Variants in FER observed in about 807,000 individuals in gnomAD.
FER encodes the protein tyrosine-protein kinase Fer.
A neutral mutation model predicts 111.0 loss-of-function variants in FER; 63 were observed. That is an observed-to-expected ratio of 0.57 (90% CI 0.46 to 0.70). FER has a LOEUF of 0.70. Among genes scored for constraint, FER ranks in the 30% least tolerant of loss-of-function variants. The pLI is 0.00. For missense variants in FER, 914 were observed against 954.0 expected, an observed-to-expected ratio of 0.96 and a Z score of 0.55; for synonymous variants, 327 against 313.9, an observed-to-expected ratio of 1.04 and a Z score of -0.44.
intron 10 of FER, among the ~76,000 whole-genome samples, chr5:108,912,137 G>C (rs991156272): frequency 2.6e-5 from 4 of 152,086 alleles, no homozygotes; most frequent in African/African-American, 9.7e-5. Context: ...CAGCCACTTG[G>C]AACTGTGAGT....
At chr5:109,008,929 C>G (rs923004900) in intron 13 of FER, among the ~76,000 whole-genome samples, 1 of 152,016 alleles carries the variant, frequency 6.6e-6, no homozygotes, top group African/African-American at 2.4e-5. Flanking sequence ...AAGATCGTGC[C>G]GTTGCACTCT....
intron 17 of FER, among the ~76,000 whole-genome samples, chr5:109,172,547 C>G (rs376187121): frequency 4.1e-5 from 6 of 148,138 alleles, no homozygotes; most frequent in African/African-American, 9.9e-5. Context: ...TGACGAGTTA[C>G]TGGGTGCAGC....
At chr5:109,009,644 T>C (rs534382842) in intron 13 of FER, among the ~76,000 whole-genome samples, 2 of 152,230 alleles carry the variant, frequency 1.3e-5, no homozygotes, top group Non-Finnish European at 2.9e-5. Context: ...CGTTTGTCCT[T>C]GTTGCAGTTA....
At chr5:109,117,790 C>T (rs1175079309) in intron 17 of FER, among the ~76,000 whole-genome samples, 1 of 151,378 alleles carries the variant, frequency 6.6e-6, no homozygotes, top group Admixed American at 6.6e-5. Flanking sequence ...GGAGTTCACT[C>T]ATGATTTGGC....
intron 17 of FER, among the ~76,000 whole-genome samples, chr5:109,121,912 C>T (rs1423100468): frequency 3.3e-5 from 5 of 151,826 alleles, no homozygotes; most frequent in Non-Finnish European, 7.4e-5. Flanking sequence ...GCTAATGATC[C>T]TTTGTATTTT....
chr5:108,935,573 C>T (rs1755349118), intron 10 of FER, among the ~76,000 whole-genome samples: 1 of 152,028 alleles, frequency 6.6e-6, no homozygotes, highest in African/African-American at 2.4e-5. Flanking sequence ...CCATCCAACC[C>T]ACCTACAGTT....
intron 5 of FER, among the ~76,000 whole-genome samples, chr5:108,848,849 A>G (rs1762277912): frequency 6.6e-6 from 1 of 151,938 alleles, no homozygotes; most frequent in South Asian, 2.1e-4. Flanking sequence ...ATTTCTTGTA[A>G]TGTAGGTCTG....
chr5:109,015,614 A>G (rs1250536345), intron 13 of FER, among the ~76,000 whole-genome samples: 10 of 152,042 alleles, frequency 6.6e-5, no homozygotes, highest in Non-Finnish European at 7.4e-5. Context: ...TGACATAAGC[A>G]TGAACAGAAC....
At chr5:108,760,631 A>G (rs545274405) in intron 1 of FER, among the ~76,000 whole-genome samples, 112 of 152,256 alleles carry the variant, frequency 7.4e-4, no homozygotes, top group Middle Eastern at 6.8e-3. Context: ...AGCCTCATGA[A>G]TCAATCTCTG....
At chr5:109,028,908 T>C (rs980826439) in intron 13 of FER, among the ~76,000 whole-genome samples, 1 of 137,674 alleles carries the variant, frequency 7.3e-6, no homozygotes, top group Admixed American at 6.9e-5. Flanking sequence ...CCTGTTAACA[T>C]GACCAGCCAT....
rs369865790 is a variant in FER, at chr5:109,121,801, A to G, written c.2048+21282A>G. Among the ~76,000 whole-genome samples, 16 of 151,942 alleles carry G rather than the reference A, an allele frequency of 1.1e-4. No individual in the cohort carries two copies. The East Asian group carries it at 2.5e-3, about 24-fold the overall frequency. Reference sequence around the variant, plus strand: ...TGTTATTGGTCTGTTCAGAATTTGGATTTCTTCATGGTTCAATCTTGATAG... The same window carrying G: ...TGTTATTGGTCTGTTCAGAATTTGGGTTTCTTCATGGTTCAATCTTGATAG... On this transcript the variant is annotated intron_variant, in intron 17 of 19. Transcript: ENST00000281092.
In FER at chr5:108,996,050, C is replaced by T. The variant is rs949676667; in HGVS notation, c.1656+36703C>T. ...AGCTTTTCTTCGTATGTTTGTTGGC[C>T]GCATAAATGTCTTTTTTTGAGAAAT... is the stretch of plus-strand genomic sequence containing the variant. On this transcript the variant is annotated intron_variant, in intron 13 of 19. Transcript: ENST00000281092. 7.9e-5 allele frequency among the ~76,000 whole-genome samples: 12 copies of T among 152,182 alleles called. 1 individual carries two copies. The highest frequency in any genetic ancestry group is 3.4e-3 in the Middle Eastern group (1 of 294).
chr5:108,865,566 A>G (rs1763957655), intron 5 of FER, among the ~76,000 whole-genome samples: 1 of 152,216 alleles, frequency 6.6e-6, no homozygotes, highest in Non-Finnish European at 1.5e-5. Context: ...ATGGCAACAA[A>G]AGCCAAAATT....
chr5:108,953,158 T>C (rs772353895), intron 11 of FER, among the ~76,000 whole-genome samples: 3 of 151,990 alleles, frequency 2.0e-5, no homozygotes, highest in Non-Finnish European at 4.4e-5. Flanking sequence ...TAATTGTAAA[T>C]TATTAGTATC....
chr5:108,866,319 G>A (rs1329606281), intron 5 of FER, among the ~76,000 whole-genome samples: 1 of 152,120 alleles, frequency 6.6e-6, no homozygotes, highest in Non-Finnish European at 1.5e-5. Flanking sequence ...ATCATTCTCA[G>A]CAGACTGTCA....
chr5:109,022,455 T>A (rs1053454089), intron 13 of FER, among the ~76,000 whole-genome samples: 1 of 152,138 alleles, frequency 6.6e-6, no homozygotes, highest in East Asian at 1.9e-4. Context: ...CATGTTCTAG[T>A]GCAGAAGTCT....
At chr5:108,891,923 T>C (rs1748137213) in intron 9 of FER, among the ~76,000 whole-genome samples, 1 of 152,166 alleles carries the variant, frequency 6.6e-6, no homozygotes, top group Non-Finnish European at 1.5e-5. Flanking sequence ...TGTTTGGTTT[T>C]TTTGTCCTTG....
chr5:108,959,826 G>T (rs777541118), intron 13 of FER, among the ~76,000 whole-genome samples: 2 of 152,056 alleles, frequency 1.3e-5, no homozygotes, highest in Non-Finnish European at 2.9e-5. Flanking sequence ...TATCTATGTG[G>T]AGCAAGGTGG....
intron 13 of FER, among the ~76,000 whole-genome samples, chr5:109,008,223 T>C (rs1404032114): frequency 6.6e-6 from 1 of 152,234 alleles, no homozygotes; most frequent in Admixed American, 6.5e-5. Flanking sequence ...ATCATTTTAT[T>C]GTCTATTTAA....
Sources: allele counts gnomAD v4.1 joint callset (sites outside exome capture counted in the v4.1 genomes callset), GRCh38; gene constraint gnomAD v4.1.1; transcripts MANE v1.5; gene names NCBI Gene and HGNC (gene_info 2026-07-23, HGNC 2026-07-21).